The following SCLT1 variants were observed in gnomAD, a reference collection of about 807,000 sequenced individuals.
SCLT1 encodes sodium channel and clathrin linker 1.
In SCLT1, 78 loss-of-function variants were observed where a neutral mutation model predicts 112.8. The observed-to-expected ratio is 0.69, with a 90% confidence interval of 0.58 to 0.83. The LOEUF (loss-of-function observed/expected upper bound fraction) is 0.83. Ranked by LOEUF, SCLT1 falls within the 40% of genes least tolerant of loss-of-function variation. SCLT1 has a pLI of 0.00. For synonymous variants in SCLT1, 257 were observed against 254.7 expected (o/e 1.01, Z -0.09); for missense variants, 747 against 770.4 (o/e 0.97, Z 0.36).
chr4:128,998,406 G>A (rs1220136378), intron 7 of SCLT1, among the ~76,000 whole-genome samples: 1 of 151,748 alleles, frequency 6.6e-6, no homozygotes, highest in African/African-American at 2.4e-5. Flanking sequence ...TTGATTAGCT[G>A]TTATGATTCT....
chr4:128,923,437 T>C (rs1579387697), intron 18 of SCLT1, among the ~76,000 whole-genome samples: 1 of 84,504 alleles, frequency 1.2e-5, no homozygotes, highest in Non-Finnish European at 2.1e-5. Flanking sequence ...AGAGTGAGAC[T>C]CCATCTCAAA....
chr4:129,005,646 C>T (rs906771159), intron 5 of SCLT1, among the ~76,000 whole-genome samples: 9 of 152,160 alleles, frequency 5.9e-5, no homozygotes, highest in South Asian at 2.1e-4. Flanking sequence ...TACCATTTGA[C>T]CCAGCCATTG....
intron 6 of SCLT1, among the ~76,000 whole-genome samples, chr4:129,000,289 TA>T (rs1461635052): frequency 1.3e-5 from 2 of 152,010 alleles, no homozygotes; most frequent in African/African-American, 4.8e-5. Context: ...ATCATCTTTT[TA>T]AATGTTGATG....
intron 20 of SCLT1, 95 bp from the exon 21 acceptor site, chr4:128,884,634 G>A: frequency 1.3e-6 from 1 of 762,428 alleles, no homozygotes; most frequent in Non-Finnish European, 2.3e-6. Context: ...TATAAGTACT[G>A]AAATGGTCTT....
At chr4:128,917,056 G>A (rs552819777) in intron 18 of SCLT1, among the ~76,000 whole-genome samples, 5 of 152,262 alleles carry the variant, frequency 3.3e-5, no homozygotes, top group African/African-American at 9.6e-5. Flanking sequence ...GGAGCCCACT[G>A]AACTTGTTCA....
At chr4:129,074,348 GAATA>G (rs2125759664) in intron 2 of SCLT1, among the ~76,000 whole-genome samples, 1 of 152,112 alleles carries the variant, frequency 6.6e-6, no homozygotes, top group South Asian at 2.1e-4. Context: ...ACGAACCTAA[GAATA>G]AATGACCTAA....
At chr4:128,972,485 A>T (rs1740777539) in intron 9 of SCLT1, 1 of 152,196 alleles carries the variant, frequency 6.6e-6, no homozygotes, top group African/African-American at 2.4e-5. Flanking sequence ...AATGTGGAGA[A>T]CACTACAGGC....
chr4:129,018,353 G>C (rs773932882), intron 5 of SCLT1, among the ~76,000 whole-genome samples: 11 of 152,252 alleles, frequency 7.2e-5, no homozygotes, highest in Non-Finnish European at 1.6e-4. Flanking sequence ...TATTATAATT[G>C]CACAATTTAA....
chr4:128,923,021 C>T (rs1257104733), intron 18 of SCLT1, among the ~76,000 whole-genome samples: 9 of 152,056 alleles, frequency 5.9e-5, no homozygotes, highest in Admixed American at 5.2e-4. Flanking sequence ...CATGCAAAGG[C>T]AATATTTATT....
chr4:128,964,885 T>A (rs1740042987), intron 11 of SCLT1, among the ~76,000 whole-genome samples: 1 of 152,224 alleles, frequency 6.6e-6, no homozygotes, highest in Admixed American at 6.5e-5. Flanking sequence ...TGCTCTGCAG[T>A]ACTGATACAA....
At chr4:129,021,760 T>G (rs540256230) in intron 5 of SCLT1, among the ~76,000 whole-genome samples, 2 of 152,312 alleles carry the variant, frequency 1.3e-5, no homozygotes, top group South Asian at 4.1e-4. Context: ...GCCTGCCGGT[T>G]GTGAAGAAAG....
At chr4:129,018,477 A>G (rs1343171663) in intron 5 of SCLT1, among the ~76,000 whole-genome samples, 1 of 152,242 alleles carries the variant, frequency 6.6e-6, no homozygotes, top group Non-Finnish European at 1.5e-5. Flanking sequence ...CTGCTATTTA[A>G]TTAGAGGTAG....
intron 2 of SCLT1, among the ~76,000 whole-genome samples, chr4:129,061,821 C>A (rs552448411): frequency 6.6e-6 from 1 of 152,054 alleles, no homozygotes; most frequent in Non-Finnish European, 1.5e-5. Flanking sequence ...GAGCTACTTG[C>A]CCCCAGAGCA....
At chr4:129,048,797 A>G (rs1748452829) in intron 2 of SCLT1, among the ~76,000 whole-genome samples, 1 of 152,128 alleles carries the variant, frequency 6.6e-6, no homozygotes, top group African/African-American at 2.4e-5. Context: ...AAAACAAATA[A>G]CCCCATCAAA....
chr4:129,089,116 C>T lies in SCLT1; in HGVS notation c.34+3954G>A, dbSNP rs1752630799. On this transcript the variant is annotated intron_variant, in intron 1 of 20. Transcript: ENST00000281142. ...TGCAATTTATCCATCTGACAAAGGTCAGATCCTACCCACAATCTACAAAGA... is the reference window on the plus strand; with the variant it reads ...TGCAATTTATCCATCTGACAAAGGTTAGATCCTACCCACAATCTACAAAGA... Among the ~76,000 whole-genome samples, 4 of 152,296 alleles carry T rather than the reference C, an allele frequency of 2.6e-5. No individual in the cohort carries two copies. The South Asian group carries it at 8.3e-4, about 32-fold the overall frequency.
intron 5 of SCLT1, chr4:129,037,046 A>G (rs965323901): frequency 2.4e-4 from 36 of 152,064 alleles, no homozygotes; most frequent in African/African-American, 8.7e-4. Context: ...ATTTTTTAGT[A>G]GCAAATATAA....
At chr4:128,978,028 T>C (rs1295931703) in intron 9 of SCLT1, among the ~76,000 whole-genome samples, 1 of 152,076 alleles carries the variant, frequency 6.6e-6, no homozygotes, top group African/African-American at 2.4e-5. Context: ...CGAGCAGATG[T>C]AGAGATGAAG....
chr4:128,885,286 A>C (rs1579276559), intron 20 of SCLT1, among the ~76,000 whole-genome samples: 1 of 152,350 alleles, frequency 6.6e-6, no homozygotes, highest in East Asian at 1.9e-4. Context: ...GACAGCATAA[A>C]GGAAGTCTCG....
chr4:128,890,777 A>C (rs984111117), intron 19 of SCLT1, among the ~76,000 whole-genome samples: 1 of 152,230 alleles, frequency 6.6e-6, no homozygotes, highest in Non-Finnish European at 1.5e-5. Flanking sequence ...TTAGAGATGC[A>C]TAAGAATAAA....
Sources: gnomAD v4.1 joint callset for allele counts (sites outside exome capture counted in the v4.1 genomes callset) on GRCh38, gnomAD v4.1.1 for gene constraint, MANE v1.5 for transcripts, NCBI Gene and HGNC (gene_info 2026-07-23, HGNC 2026-07-21) for gene names.